H6PD: variants seen among roughly 807,000 people sequenced by gnomAD.
H6PD encodes the protein hexose-6-phosphate dehydrogenase/glucose 1-dehydrogenase, also known as GDH/6PGL endoplasmic bifunctional protein.
H6PD carries 48 observed loss-of-function variants against 61.2 expected under a neutral mutation model. That is an observed-to-expected ratio of 0.78 (90% CI 0.62 to 1.00). The LOEUF (loss-of-function observed/expected upper bound fraction) is 1.00. Among genes scored for constraint, H6PD ranks in the 50% least tolerant of loss-of-function variants. The pLI is 0.00. For missense variants in H6PD, 1,093 were observed against 1,065.0 expected (o/e 1.03, Z -0.37); for synonymous variants, 480 against 457.9 (o/e 1.05, Z -0.62).
In H6PD at chr1:9,245,802, C is replaced by T. The variant is rs565394514; in HGVS notation, c.627+241C>T. 7.9e-5 allele frequency among the ~76,000 whole-genome samples: 12 copies of T among 152,276 alleles called. No individual in the cohort carries two copies. The highest frequency in any genetic ancestry group is 3.3e-4 in the Admixed American group (5 of 15,304). On this transcript the variant is annotated intron_variant, in intron 2 of 4. Coordinates refer to ENST00000377403, the MANE Select transcript of H6PD (RefSeq NM_004285.4). The surrounding 1 kb of genome is among the most constrained non-coding windows in gnomAD (Gnocchi z 4.8). ...TTGTCCTTTGCAAAGCCCCCGTTCT[C>T]GTTGTTTCCCAGTCTGGGCTCTGGC... is the stretch of plus-strand genomic sequence containing the variant.
At position 9,245,024 on chromosome 1, in the gene H6PD, G is replaced by C; in HGVS notation, c.90G>C (p.Leu30=). Residue 30 remains leucine, a synonymous_variant, in exon 2 of 5, where the codon CTG becomes CTC. Transcript: ENST00000377403. The surrounding 1 kb of genome is among the most constrained non-coding windows in gnomAD (Gnocchi z 4.8). ...QELQGHVSII[L]LGATGDLAKK... Reference sequence around the variant, plus strand: ...TCCAGGGACATGTCTCCATAATCCTGCTGGGAGCAACTGGGGACCTGGCTA... The same window carrying C: ...TCCAGGGACATGTCTCCATAATCCTCCTGGGAGCAACTGGGGACCTGGCTA... The C allele has an allele frequency of 6.2e-7, 1 of 1,614,204 alleles. No individual in the cohort carries two copies. The highest frequency in any genetic ancestry group is 2.2e-5 in the East Asian group (1 of 44,886).
At chr1:9,242,642 G>A in intron 1 of H6PD, 1 of 985,486 alleles carries the variant, frequency 1.0e-6, no homozygotes, top group South Asian at 4.7e-5. Context: ...AGTCTTCTGG[G>A]GTGGGGGCAG....
In H6PD at chr1:9,263,838, T is replaced by C. The variant is rs1638434738; in HGVS notation, c.1345T>C (p.Tyr449His). 1 of 1,613,986 alleles carries C rather than the reference T, an allele frequency of 6.2e-7. No homozygotes were observed. The highest frequency in any genetic ancestry group is 1.7e-5 in the Admixed American group (1 of 60,032). Residue 449 changes from tyrosine (Y) to histidine (H), a missense_variant, in exon 5 of 5, where the codon TAC becomes CAC. By Grantham distance (83) the Tyr-to-His change is moderately conservative. Transcript: ENST00000377403. ...FGSPLSDYYA[Y>H]SPVRERDAHS... ...CAGCCCTCTGTCCGATTACTACGCC[T>C]ACAGCCCTGTGCGGGAGCGGGACGC...
chr1:9,262,178 G>A lies in H6PD; in HGVS notation c.865G>A (p.Val289Met), dbSNP rs557334874. The change falls in exon 4 of 5, where the codon GTG (valine) becomes ATG (methionine). Residue 289 changes from valine (V) to methionine (M), a missense_variant. Physicochemically the swap from Val to Met is conservative, Grantham distance 21. Coordinates refer to ENST00000377403, the MANE Select transcript of H6PD (RefSeq NM_004285.4). ...CCACAATGTCAGCAGTGCGGAGGCT[G>A]TGCTGCGGCACAAGCTTCAGGTCTT... ...LPHNVSSAEA[V>M]LRHKLQVFQA... 1.9e-6 allele frequency: 3 copies of A among 1,614,254 alleles called. No homozygotes were observed. The highest frequency in any genetic ancestry group is 2.7e-5 in the African/African-American group (2 of 75,080).
chr1:9,239,705 G>T (rs1304848070), intron 1 of H6PD: 6 of 347,482 alleles, frequency 1.7e-5, no homozygotes, highest in Non-Finnish European at 5.1e-6. Context: ...CCTTCCTCCT[G>T]CCTGGCGCAC....
At chr1:9,241,340 A>G (rs529235435) in intron 1 of H6PD, among the ~76,000 whole-genome samples, 1 of 138,996 alleles carries the variant, frequency 7.2e-6, no homozygotes, top group East Asian at 2.2e-4. Flanking sequence ...CTAATCACCT[A>G]CCCACCCTTA....
intron 3 of H6PD, among the ~76,000 whole-genome samples, chr1:9,252,421 T>C (rs1302811046): frequency 6.6e-6 from 1 of 152,198 alleles, no homozygotes; most frequent in East Asian, 1.9e-4. Context: ...TATTATTATC[T>C]TGGAGTCTTG....
chr1:9,258,343 G>A (rs1467835233), intron 3 of H6PD, among the ~76,000 whole-genome samples: 2 of 152,142 alleles, frequency 1.3e-5, no homozygotes, highest in Non-Finnish European at 2.9e-5. Context: ...TTACATTGTT[G>A]TTACACCAGT....
chr1:9,259,902 G>A (rs901095205), intron 3 of H6PD, among the ~76,000 whole-genome samples: 2 of 151,474 alleles, frequency 1.3e-5, no homozygotes, highest in African/African-American at 4.9e-5. Flanking sequence ...GTGTTATGTT[G>A]CTGTTGTTAC....
intron 4 of H6PD, among the ~76,000 whole-genome samples, chr1:9,263,182 C>T (rs2100395607): frequency 6.6e-6 from 1 of 152,344 alleles, no homozygotes; most frequent in Non-Finnish European, 1.5e-5. Context: ...CCCCACCCCA[C>T]TTGCCCCCAC....
At chr1:9,258,704 T>C (rs1340295175) in intron 3 of H6PD, among the ~76,000 whole-genome samples, 1 of 152,208 alleles carries the variant, frequency 6.6e-6, no homozygotes, top group Non-Finnish European at 1.5e-5. Context: ...ACCAGTGTTA[T>C]GTTGTTGTTA....
rs139295142 is a variant in H6PD, at chr1:9,237,389, C to T, written c.-11+2323C>T. Reference sequence around the variant, plus strand: ...CTGGGATTACAGGCACCTGCCACCACGCCTGGCTAATTTTTGTATTGTTAG... The same window carrying T: ...CTGGGATTACAGGCACCTGCCACCATGCCTGGCTAATTTTTGTATTGTTAG... On this transcript the variant is annotated intron_variant, in intron 1 of 4. Transcript: ENST00000377403. 5.1e-3 allele frequency among the ~76,000 whole-genome samples: 774 copies of T among 152,066 alleles called. 11 individuals are homozygous for T. The highest frequency in any genetic ancestry group is 0.017 in the African/African-American group (725 of 41,474).
chr1:9,254,449 C>A lies in H6PD; in HGVS notation c.745+7366C>A, dbSNP rs562323531. On this transcript the variant is annotated intron_variant, in intron 3 of 4. Transcript: ENST00000377403. The surrounding 1 kb of genome is among the most constrained non-coding windows in gnomAD (Gnocchi z 4.6). ...CACACTCCAGATCACAGCTCTGTAC[C>A]ACCATTCAAGGATCCAGCCAGTCAC... Among the ~76,000 whole-genome samples, 1 of 152,288 alleles carries A rather than the reference C, an allele frequency of 6.6e-6. No homozygotes were observed. Among genetic ancestry groups the A allele is most frequent in the East Asian group, 1.9e-4 (1 of 5,178 alleles).
intron 3 of H6PD, among the ~76,000 whole-genome samples, chr1:9,261,205 C>T (rs1013498944): frequency 6.6e-6 from 1 of 152,172 alleles, no homozygotes; most frequent in African/African-American, 2.4e-5. Context: ...TCAGATCCTC[C>T]AGTGTCCCCC....
At chr1:9,244,672 G>A (rs2239560) in intron 1 of H6PD, among the ~76,000 whole-genome samples, 30,513 of 152,188 alleles carry the variant, frequency 0.2, 3,454 homozygotes, top group African/African-American at 0.29. Flanking sequence ...CAGCAAAGTG[G>A]TTCATCTCTA....
At chr1:9,259,891 A>G (rs1436639629) in intron 3 of H6PD, among the ~76,000 whole-genome samples, 1 of 147,624 alleles carries the variant, frequency 6.8e-6, no homozygotes, top group Non-Finnish European at 1.5e-5. Context: ...TTGTTACACC[A>G]GTGTTATGTT....
At chr1:9,251,920 T>A (rs1641378240) in intron 3 of H6PD, among the ~76,000 whole-genome samples, 1 of 151,846 alleles carries the variant, frequency 6.6e-6, no homozygotes, top group Admixed American at 6.6e-5. Context: ...AAAACCTGGA[T>A]TTCCCACAAT....
Position 9,265,355 on chromosome 1 carries a change from G to C in H6PD, c.*486G>C. 3.8e-6 allele frequency: 1 copy of C among 260,310 alleles called. No homozygotes were observed. Among genetic ancestry groups the C allele is most frequent in the Non-Finnish European group, 7.5e-6 (1 of 133,424 alleles). 16.1% of individuals were successfully genotyped at this position (260,310 alleles called of 1,614,324 possible). On this transcript the variant is annotated 3_prime_UTR_variant, in exon 5 of 5. Transcript: ENST00000377403. The stretch of plus-strand genomic sequence containing the variant: ...CGCCCAGGGGAGTACATTGCCCCGT[G>C]CAAAGCAGGGGCATTGGGGACTGTC...
At chr1:9,235,112 T>C (rs1443953139) in intron 1 of H6PD, 46 bp downstream of exon 1, 1 of 149,100 alleles carries the variant, frequency 6.7e-6, no homozygotes, top group Non-Finnish European at 1.5e-5. Flanking sequence ...CCCCGGCGCC[T>C]CCAACCCGCG....
Sources: allele counts gnomAD v4.1 joint callset (sites outside exome capture counted in the v4.1 genomes callset), GRCh38; gene constraint gnomAD v4.1.1; non-coding constraint Gnocchi (gnomAD v3.1); transcripts MANE v1.5; gene names NCBI Gene and HGNC (gene_info 2026-07-23, HGNC 2026-07-21).